REDIC1: variants seen among roughly 807,000 people sequenced by gnomAD.
REDIC1 encodes the protein regulator of DNA class I crossover intermediates 1.
At chr12:39,765,349 C>T in the REDIC1 span, among the ~76,000 whole-genome samples, 2 of 151,982 alleles carry the variant, frequency 1.3e-5, no homozygotes, top group Non-Finnish European at 2.9e-5. Flanking sequence ...TTCCAAATAG[C>T]CCTCTCCCTT....
At chr12:39,685,150 A>T in the REDIC1 span, among the ~76,000 whole-genome samples, 97 of 152,318 alleles carry the variant, frequency 6.4e-4, 2 homozygotes, top group East Asian at 0.015. Flanking sequence ...TTTGAGACAA[A>T]ATCTTGAGGA....
At chr12:39,724,201 TAA>T in the REDIC1 span, among the ~76,000 whole-genome samples, 1 of 152,226 alleles carries the variant, frequency 6.6e-6, no homozygotes, top group Admixed American at 6.5e-5. Flanking sequence ...TTGGGCGGGA[TAA>T]GTCTTTGAAA....
At chr12:39,683,537 T>C in the REDIC1 span, 1 of 1,352,556 alleles carries the variant, frequency 7.4e-7, no homozygotes, top group South Asian at 1.2e-5. Flanking sequence ...GTATGATGCA[T>C]GATGAATGTT....
At chr12:39,859,332 TGAA>T in the REDIC1 span, among the ~76,000 whole-genome samples, 10 of 72,302 alleles carry the variant, frequency 1.4e-4, no homozygotes, top group African/African-American at 2.6e-4. Context: ...TTTTTTTTTC[TGAA>T]AAAAAAAAAA....
At chr12:39,778,386 T>C in the REDIC1 span, among the ~76,000 whole-genome samples, 4 of 152,094 alleles carry the variant, frequency 2.6e-5, no homozygotes, top group Non-Finnish European at 5.9e-5. Context: ...GGGCCAGCTG[T>C]AGGGATGACT....
chr12:39,715,747 A>C, the REDIC1 span, among the ~76,000 whole-genome samples: 1 of 151,858 alleles, frequency 6.6e-6, no homozygotes, highest in Non-Finnish European at 1.5e-5. Flanking sequence ...CCTTTGCTGT[A>C]CTGTTAAAGG....
chr12:39,654,865 A>G, the REDIC1 span, among the ~76,000 whole-genome samples: 9 of 152,296 alleles, frequency 5.9e-5, no homozygotes, highest in South Asian at 2.1e-4. Flanking sequence ...GCATCTGCAC[A>G]TGGACTTTTT....
chr12:39,821,874 A>G, the REDIC1 span, among the ~76,000 whole-genome samples: 1 of 152,226 alleles, frequency 6.6e-6, no homozygotes, highest in African/African-American at 2.4e-5. Context: ...ACACGTGCCA[A>G]GAATAGAAGA....
At chr12:39,899,934 G>C in the REDIC1 span, among the ~76,000 whole-genome samples, 2 of 151,836 alleles carry the variant, frequency 1.3e-5, no homozygotes, top group African/African-American at 4.8e-5. Context: ...GTGTGGGGTG[G>C]TGCTGAAAAA....
chr12:39,896,552 A>C, the REDIC1 span, among the ~76,000 whole-genome samples: 1 of 139,846 alleles, frequency 7.2e-6, no homozygotes, highest in Non-Finnish European at 1.6e-5. Flanking sequence ...ATGTGTGTAT[A>C]CATGTATACA....
At chr12:39,903,666 G>A in the REDIC1 span, among the ~76,000 whole-genome samples, 1 of 152,006 alleles carries the variant, frequency 6.6e-6, no homozygotes, top group Admixed American at 6.6e-5. Flanking sequence ...GGCATCTTCT[G>A]ATAACAAGGA....
At chr12:39,835,420 G>A in the REDIC1 span, among the ~76,000 whole-genome samples, 3 of 151,960 alleles carry the variant, frequency 2.0e-5, no homozygotes, top group Admixed American at 6.6e-5. Context: ...AGAAATTATA[G>A]GTATGCTCTA....
At chr12:39,879,379 G>A in the REDIC1 span, among the ~76,000 whole-genome samples, 2 of 152,326 alleles carry the variant, frequency 1.3e-5, no homozygotes, top group East Asian at 3.9e-4. Context: ...GTCTGGAAAA[G>A]CCATAGGCAT....
the REDIC1 span, among the ~76,000 whole-genome samples, chr12:39,773,753 T>C: frequency 3.9e-5 from 6 of 152,188 alleles, no homozygotes; most frequent in African/African-American, 1.4e-4. Flanking sequence ...ATGACCTGTG[T>C]ATAAAAACCA....
At chr12:39,738,174 G>A in the REDIC1 span, among the ~76,000 whole-genome samples, 6 of 152,126 alleles carry the variant, frequency 3.9e-5, no homozygotes, top group East Asian at 3.8e-4. Context: ...CAGATATACC[G>A]GTTAAATGCT....
chr12:39,780,160 G>C, the REDIC1 span, among the ~76,000 whole-genome samples: 1 of 152,150 alleles, frequency 6.6e-6, no homozygotes, highest in Non-Finnish European at 1.5e-5. Flanking sequence ...ATTTAAATCT[G>C]ATGACAATTC....
At chr12:39,688,967 G>GT in the REDIC1 span, among the ~76,000 whole-genome samples, 16 of 151,990 alleles carry the variant, frequency 1.1e-4, 1 homozygote, top group Middle Eastern at 6.8e-3. Context: ...TCCATGTACC[G>GT]TTTTTTTTGT....
At chr12:39,777,263 A>ATAG in the REDIC1 span, among the ~76,000 whole-genome samples, 1 of 152,250 alleles carries the variant, frequency 6.6e-6, no homozygotes, top group Non-Finnish European at 1.5e-5. Context: ...AGGCAGGGAA[A>ATAG]TAGTCAATTG....
chr12:39,722,752 C>T, the REDIC1 span, among the ~76,000 whole-genome samples: 2 of 152,142 alleles, frequency 1.3e-5, no homozygotes, highest in African/African-American at 2.4e-5. Context: ...GCAGTGACCA[C>T]TTACAGTGAC....
Sources: gnomAD v4.1 joint callset for allele counts (sites outside exome capture counted in the v4.1 genomes callset) on GRCh38, gnomAD v4.1.1 for gene constraint, MANE v1.5 for transcripts, NCBI Gene and HGNC (gene_info 2026-07-23, HGNC 2026-07-21) for gene names.